The following PDGFB variants were observed in gnomAD, a reference collection of about 807,000 sequenced individuals.
PDGFB encodes the protein platelet-derived growth factor subunit B.
PDGFB carries 6 observed loss-of-function variants against 29.0 expected under a neutral mutation model. The observed-to-expected ratio is 0.21, with a 90% CI of 0.11 to 0.41. The LOEUF (loss-of-function observed/expected upper bound fraction) is 0.41. Ranked by LOEUF, PDGFB falls within the 10% of genes least tolerant of loss-of-function variation. The pLI is 1.00. For missense variants in PDGFB, 299 were observed against 341.8 expected, an observed-to-expected ratio of 0.87 and a Z score of 0.99; for synonymous variants, 144 against 140.8, an observed-to-expected ratio of 1.02 and a Z score of -0.16.
chr22:39,242,407 G>A lies in PDGFB; in HGVS notation c.63+1494C>T. On this transcript the variant is annotated intron_variant, in intron 1 of 6. Transcript: ENST00000331163. The surrounding 1 kb of genome is among the most constrained non-coding windows in gnomAD (Gnocchi z 5.7). ...GGGCCCAGCCCCCAGGTCCCACGGC[G>A]AGGCGAGGCGGCAGCTGGGGCCGGC... is the stretch of plus-strand genomic sequence containing the variant. 1 of 203,420 alleles carries A rather than the reference G, an allele frequency of 4.9e-6. No individual in the cohort carries two copies. Among genetic ancestry groups the A allele is most frequent in the Non-Finnish European group, 1.0e-5 (1 of 99,396 alleles). 12.6% of individuals were successfully genotyped at this position (203,420 alleles called of 1,614,324 possible).
intron 5 of PDGFB, among the ~76,000 whole-genome samples, chr22:39,228,345 T>C (rs911774741): frequency 6.6e-6 from 1 of 152,150 alleles, no homozygotes; most frequent in East Asian, 1.9e-4. Context: ...TCCCAGCACC[T>C]TGGGAGGCTG....
chr22:39,241,150 C>T (rs917276944), intron 1 of PDGFB: 7 of 541,906 alleles, frequency 1.3e-5, no homozygotes, highest in Admixed American at 3.2e-5. Context: ...AGACGCGTCA[C>T]GTGACAGTGG....
At chr22:39,241,200 G>T (rs941188649) in intron 1 of PDGFB, 2 of 483,184 alleles carry the variant, frequency 4.1e-6, no homozygotes, top group Non-Finnish European at 3.8e-6. Flanking sequence ...GGTGGAGATG[G>T]CACCTCAGAG....
chr22:39,235,229 TTAGAA>T (rs1199434892), intron 2 of PDGFB, among the ~76,000 whole-genome samples: 3 of 151,728 alleles, frequency 2.0e-5, no homozygotes, highest in Non-Finnish European at 4.4e-5. Context: ...AGGCCAGAGG[TTAGAA>T]TAGAATGGAA....
chr22:39,243,913 C>G lies in PDGFB; in HGVS notation c.51G>C (p.Leu17=). ...LFLSLCCYLR[L]VSAEGDPIPE... The stretch of plus-strand genomic sequence containing the variant: ...CGTGGCAACTCACCTCGGCGCTGAC[C>G]AGACGCAGGTAGCAGCAGAGAGACA... The change falls in exon 1 of 7, where the codon CTG becomes CTC. Residue 17 remains leucine, a synonymous_variant. Coordinates refer to ENST00000331163, the MANE Select transcript of PDGFB (RefSeq NM_002608.4). This position sits in a 1 kb window ranked among gnomAD's most constrained non-coding sequence, Gnocchi z 6.4. 6.2e-7 allele frequency: 1 copy of G among 1,607,274 alleles called. No homozygotes were observed. Among genetic ancestry groups the G allele is most frequent in the Non-Finnish European group, 8.5e-7 (1 of 1,177,256 alleles).
intron 2 of PDGFB, among the ~76,000 whole-genome samples, chr22:39,235,386 C>T (rs1932416703): frequency 6.6e-6 from 1 of 152,186 alleles, no homozygotes; most frequent in Non-Finnish European, 1.5e-5. Context: ...GGCCAGGTGT[C>T]CCCAGGGGAC....
At chr22:39,236,047 T>C (rs111544880) in intron 1 of PDGFB, among the ~76,000 whole-genome samples, 173 bp from the exon 2 acceptor site, 20 of 152,318 alleles carry the variant, frequency 1.3e-4, no homozygotes, top group African/African-American at 4.8e-4. Context: ...CCTCGGGGCC[T>C]GGACCTGCCG....
chr22:39,243,871 G>A lies in PDGFB; in HGVS notation c.63+30C>T. On this transcript the variant is annotated intron_variant, in intron 1 of 6. Transcript: ENST00000331163. The surrounding 1 kb of genome is among the most constrained non-coding windows in gnomAD (Gnocchi z 6.4). ...GGGGGGGGCGAAGGTAATGAATGAAGAACCAGCCCCAGCCGCCGTGGCAAC... is the reference window on the plus strand; with the variant it reads ...GGGGGGGGCGAAGGTAATGAATGAAAAACCAGCCCCAGCCGCCGTGGCAAC... The A allele has an allele frequency of 1.9e-6, 3 of 1,583,132 alleles. No homozygotes were observed. The highest frequency in any genetic ancestry group is 3.3e-4 in the Middle Eastern group (2 of 5,974).
In PDGFB at chr22:39,224,985, G is replaced by C. The variant is rs1297859827; in HGVS notation, c.*357C>G. Reference sequence around the variant, plus strand: ...AGGACAGTCCACAGCGCTCAGGTGTGGCCCAGGCCAGGTGCAGGGGAAGGA... The same window carrying C: ...AGGACAGTCCACAGCGCTCAGGTGTCGCCCAGGCCAGGTGCAGGGGAAGGA... On this transcript the variant is annotated 3_prime_UTR_variant, in exon 7 of 7. Coordinates refer to ENST00000331163, the MANE Select transcript of PDGFB (RefSeq NM_002608.4). 6.5e-6 allele frequency: 1 copy of C among 153,232 alleles called. No homozygotes were observed. Among genetic ancestry groups the C allele is most frequent in the African/African-American group, 2.4e-5 (1 of 41,460 alleles). The allele number at this position is 153,232 out of a possible 1,614,324, so 9.5% of individuals were successfully genotyped here.
chr22:39,224,678 G>A lies in PDGFB; in HGVS notation c.*664C>T, dbSNP rs1243505345. On this transcript the variant is annotated 3_prime_UTR_variant, in exon 7 of 7. Transcript: ENST00000331163. Reference sequence around the variant, plus strand: ...AGCAAACTCCATCTCTAACCCACCTGAGAGGGCACCCAGCCACTTGGTGTG... The same window carrying A: ...AGCAAACTCCATCTCTAACCCACCTAAGAGGGCACCCAGCCACTTGGTGTG... The A allele has an allele frequency of 6.6e-6, 1 of 152,382 alleles. No individual in the cohort carries two copies. The highest frequency in any genetic ancestry group is 1.5e-5 in the Non-Finnish European group (1 of 68,068). The allele number at this position is 152,382 out of a possible 1,614,324, so 9.4% of individuals were successfully genotyped here.
rs542179465 is a variant in PDGFB at position 39,242,724 on chromosome 22, C to T, written c.63+1177G>A. Among the ~76,000 whole-genome samples, 3 of 152,198 alleles carry T rather than the reference C, an allele frequency of 2.0e-5. No homozygotes were observed. Among genetic ancestry groups the T allele is most frequent in the African/African-American group, 7.2e-5 (3 of 41,556 alleles). On this transcript the variant is annotated intron_variant, in intron 1 of 6. Transcript: ENST00000331163. This position sits in a 1 kb window ranked among gnomAD's most constrained non-coding sequence, Gnocchi z 5.7. Reference sequence around the variant, plus strand: ...GCCTCCGAGCCCTCCGCCTTAACCCCTTCGCCGCCGCTGCCTCCTTCCTGC... The same window carrying T: ...GCCTCCGAGCCCTCCGCCTTAACCCTTTCGCCGCCGCTGCCTCCTTCCTGC...
chr22:39,241,522 T>A (rs1932568061), intron 1 of PDGFB, among the ~76,000 whole-genome samples: 2 of 152,080 alleles, frequency 1.3e-5, no homozygotes. Flanking sequence ...GTGACTAAAG[T>A]GAGGAGAAAG....
rs1211760628 is a variant in PDGFB at position 39,243,934 on chromosome 22, A to C, written c.30T>G (p.Ser10=). The change falls in exon 1 of 7, where the codon TCT becomes TCG. Residue 10 remains serine (S), a synonymous_variant. Transcript: ENST00000331163. This position sits in a 1 kb window ranked among gnomAD's most constrained non-coding sequence, Gnocchi z 6.4. MNRCWALFL[S]LCCYLRLVSA... is the part of the protein sequence containing the mutation. Reference sequence around the variant, plus strand: ...TGACCAGACGCAGGTAGCAGCAGAGAGACAGGAAGAGCGCCCAGCAGCGAT... The same window carrying C: ...TGACCAGACGCAGGTAGCAGCAGAGCGACAGGAAGAGCGCCCAGCAGCGAT... 6.2e-7 allele frequency: 1 copy of C among 1,604,592 alleles called. No homozygotes were observed. The highest frequency in any genetic ancestry group is 1.7e-5 in the Admixed American group (1 of 59,518).
At chr22:39,237,139 G>A (rs1219505889) in intron 1 of PDGFB, among the ~76,000 whole-genome samples, 2 of 152,076 alleles carry the variant, frequency 1.3e-5, no homozygotes, top group East Asian at 3.9e-4. Flanking sequence ...CGAGGGAGAG[G>A]AGAAGAGGTC....
intron 1 of PDGFB, among the ~76,000 whole-genome samples, chr22:39,238,436 A>G (rs1401682586): frequency 6.6e-6 from 1 of 151,960 alleles, no homozygotes; most frequent in African/African-American, 2.4e-5. Flanking sequence ...ACTACCCATA[A>G]GCCCCCGGAT....
rs866569864 is a variant in PDGFB at position 39,242,071 on chromosome 22, C to A, written c.63+1830G>T. ...ACCAGGCGCTGGGTGCACGGGGGCC[C>A]GTGCGTGCCTGTGTACGTGCGTGGG... On this transcript the variant is annotated intron_variant, in intron 1 of 6. Coordinates refer to ENST00000331163, the MANE Select transcript of PDGFB (RefSeq NM_002608.4). The surrounding 1 kb of genome is among the most constrained non-coding windows in gnomAD (Gnocchi z 5.7). The A allele has an allele frequency of 1.8e-4, 41 of 230,586 alleles. No homozygotes were observed. Among genetic ancestry groups the A allele is most frequent in the Middle Eastern group, 1.3e-3 (1 of 774 alleles). 14.3% of individuals were successfully genotyped at this position (230,586 alleles called of 1,614,324 possible).
intron 1 of PDGFB, 41 bp from the exon 2 acceptor site, chr22:39,235,915 G>C: frequency 7.2e-7 from 1 of 1,379,682 alleles, no homozygotes; most frequent in Non-Finnish European, 1.0e-6. Context: ...GCTGGGAGTG[G>C]GGGCTTTCCA....
At chr22:39,238,805 G>C (rs537959845) in intron 1 of PDGFB, among the ~76,000 whole-genome samples, 1 of 152,366 alleles carries the variant, frequency 6.6e-6, no homozygotes, top group East Asian at 1.9e-4. Flanking sequence ...CCAGGGCCCA[G>C]TGGGCCCCCA....
At chr22:39,239,354 C>T (rs6001514) in intron 1 of PDGFB, among the ~76,000 whole-genome samples, 2,412 of 151,178 alleles carry the variant, frequency 0.016, 61 homozygotes, top group African/African-American at 0.054. Flanking sequence ...TACCTCCACA[C>T]TGGCAGAGCC....
Sources: allele counts gnomAD v4.1 joint callset (sites outside exome capture counted in the v4.1 genomes callset), GRCh38; gene constraint gnomAD v4.1.1; non-coding constraint Gnocchi (gnomAD v3.1); transcripts MANE v1.5; gene names NCBI Gene and HGNC (gene_info 2026-07-23, HGNC 2026-07-21).